The following SIRT5 variants were observed in gnomAD, a reference collection of about 807,000 sequenced individuals.
SIRT5 encodes sirtuin 5.
In SIRT5, 26 loss-of-function variants were observed where a neutral mutation model predicts 40.0. The observed-to-expected ratio is 0.65, with a 90% CI of 0.48 to 0.90. The LOEUF (loss-of-function observed/expected upper bound fraction) is 0.90. Ranked by LOEUF, SIRT5 falls within the 40% of genes least tolerant of loss-of-function variation. The probability of loss-of-function intolerance (pLI) is 0.00; values close to 1 mark genes in which losing one functional copy is unlikely to be tolerated. For synonymous variants in SIRT5, 146 were observed against 149.1 expected (o/e 0.98, Z 0.15); for missense variants, 401 against 402.4 (o/e 1.00, Z 0.03).
chr6:13,613,769 A>G lies in SIRT5; in HGVS notation c.*1904A>G, dbSNP rs1764130926. ...TACCTGTAATAGTCTTATAGTACTT[A>G]TAAAGCAGTTTTGCACATAAAATAC... On this transcript the variant is annotated 3_prime_UTR_variant, in exon 10 of 10. Transcript: ENST00000606117. The G allele has an allele frequency of 6.6e-6, 1 of 152,352 alleles. No homozygotes were observed. Among genetic ancestry groups the G allele is most frequent in the East Asian group, 1.9e-4 (1 of 5,184 alleles). 9.4% of individuals were successfully genotyped at this position (152,352 alleles called of 1,614,324 possible).
At chr6:13,586,255 C>T (rs1424501618) in intron 3 of SIRT5, among the ~76,000 whole-genome samples, 1 of 152,076 alleles carries the variant, frequency 6.6e-6, no homozygotes, top group Non-Finnish European at 1.5e-5. Context: ...TAATTAGATC[C>T]CATTTGTCTA....
At position 13,577,849 on chromosome 6, in the gene SIRT5, C is replaced by G. The variant is rs184766951; in HGVS notation, c.-194-1602C>G. On this transcript the variant is annotated intron_variant, in intron 1 of 9. Transcript: ENST00000606117. ...ATTGCTCTGGCTAGGACATCTAGTA[C>G]TACACTGAATAGACAATGTGAGAGT... Among the ~76,000 whole-genome samples, 35 of 152,008 alleles carry G rather than the reference C, an allele frequency of 2.3e-4. 1 individual carries two copies. In the East Asian group the frequency reaches 5.0e-3, roughly 22 times the overall value.
chr6:13,591,507 G>C (rs947408344), intron 4 of SIRT5, among the ~76,000 whole-genome samples, 162 bp from the exon 5 acceptor site: 12 of 152,228 alleles, frequency 7.9e-5, no homozygotes, highest in African/African-American at 2.7e-4. Flanking sequence ...CCCAGACCCT[G>C]CCTGGCATCT....
At chr6:13,595,617 A>G in intron 6 of SIRT5, 53 bp downstream of exon 6, 1 of 1,276,968 alleles carries the variant, frequency 7.8e-7, no homozygotes, top group Admixed American at 1.8e-5. Context: ...CTTTAGGTTG[A>G]ACATAAATGT....
At position 13,611,917 on chromosome 6, in the gene SIRT5, C is replaced by A; in HGVS notation, c.*52C>A. ...GTATATCTAAGAACTAGGCCACACG[C>A]AGAGGAGAAATGGTCTTATGGGTGG... On this transcript the variant is annotated 3_prime_UTR_variant, in exon 10 of 10. Transcript: ENST00000606117. 1 of 1,558,078 alleles carries A rather than the reference C, an allele frequency of 6.4e-7. No individual in the cohort carries two copies. The highest frequency in any genetic ancestry group is 8.8e-7 in the Non-Finnish European group (1 of 1,130,596).
rs144036591 is a variant in SIRT5, at chr6:13,591,454, C to G, written c.250-215C>G. Among the ~76,000 whole-genome samples, 494 of 152,362 alleles carry G rather than the reference C, an allele frequency of 3.2e-3. 4 individuals are homozygous for G. The highest frequency in any genetic ancestry group is 0.011 in the African/African-American group (472 of 41,584). The stretch of plus-strand genomic sequence containing the variant: ...TCACTAAGGAAATTGACTGATTTCT[C>G]CAAGGTCCCTGGGCAGTCCCAGGAT... On this transcript the variant is annotated intron_variant, in intron 4 of 9. Transcript: ENST00000606117.
intron 9 of SIRT5, chr6:13,605,806 G>C (rs1763027943): frequency 1.0e-6 from 1 of 985,466 alleles, no homozygotes; most frequent in Middle Eastern, 5.2e-4. Context: ...CATTCGCTGA[G>C]GCAAAAATGG....
At chr6:13,597,160 CCAAAAGTGAAAGGA>C in intron 7 of SIRT5, 144 bp downstream of exon 7, 6 of 636,162 alleles carry the variant, frequency 9.4e-6, no homozygotes, top group Non-Finnish European at 1.6e-5. Flanking sequence ...ATCTCTGAGA[CCAAAAGTGAAAGGA>C]CAAAGGATGA....
At chr6:13,574,448 A>T (rs969675718), upstream of SIRT5, 24 of 150,724 alleles carry the variant, frequency 1.6e-4, no homozygotes, top group African/African-American at 5.4e-4. Context: ...CGGAGGTGGC[A>T]CCGGTCCGCG....
At chr6:13,575,838 AT>A (rs1309607981) in intron 1 of SIRT5, among the ~76,000 whole-genome samples, 1 of 152,288 alleles carries the variant, frequency 6.6e-6, no homozygotes, top group East Asian at 1.9e-4. Flanking sequence ...CCTGGTAACC[AT>A]CATTCTACTC....
intron 2 of SIRT5, among the ~76,000 whole-genome samples, chr6:13,579,830 T>A (rs1296872880): frequency 1.3e-5 from 2 of 152,214 alleles, no homozygotes; most frequent in Non-Finnish European, 2.9e-5. Flanking sequence ...ACTGTTTATT[T>A]TTGTATATGT....
chr6:13,601,064 TTTTG>T (rs1174145482), intron 9 of SIRT5, 115 bp downstream of exon 9: 7 of 757,408 alleles, frequency 9.2e-6, no homozygotes, highest in Non-Finnish European at 1.5e-5. Context: ...GTTTGTGTTT[TTTTG>T]TTTGATCTGC....
chr6:13,611,228 TATATATATACACACACAC>T (rs1763848127), intron 9 of SIRT5, among the ~76,000 whole-genome samples: 1 of 131,232 alleles, frequency 7.6e-6, no homozygotes, highest in African/African-American at 3.1e-5. Flanking sequence ...TATATATATA[TATATATATACACACACAC>T]ATACACACAC....
intron 9 of SIRT5, chr6:13,604,434 C>T (rs200551818): frequency 1.7e-6 from 2 of 1,170,204 alleles, no homozygotes; most frequent in African/African-American, 1.5e-5. Context: ...AGGACCTGAG[C>T]TATGTCCCCA....
At chr6:13,580,456 C>T (rs1377843723) in intron 2 of SIRT5, among the ~76,000 whole-genome samples, 10 of 152,148 alleles carry the variant, frequency 6.6e-5, no homozygotes, top group Admixed American at 3.3e-4. Context: ...CTTACTCCCC[C>T]GACCCCTGTC....
In SIRT5 at chr6:13,599,059, G is replaced by A. The variant is rs773238187; in HGVS notation, c.645G>A (p.Leu215=). The A allele has an allele frequency of 3.7e-6, 6 of 1,613,972 alleles. No homozygotes were observed. The South Asian group carries it at 4.4e-5, about 12-fold the overall frequency. ...GTGAAGAGGCAGGCTGCGGGGGCTT[G>A]CTGCGACCTCACGTCGTGTGGTTTG... The part of the protein sequence containing the change: ...PRCEEAGCGG[L]LRPHVVWFGE... Residue 215 remains leucine (L), a synonymous_variant, in exon 8 of 10, where the codon TTG becomes TTA. Transcript: ENST00000606117.
At chr6:13,582,651 A>G (rs888474581) in intron 2 of SIRT5, among the ~76,000 whole-genome samples, 2 of 146,990 alleles carry the variant, frequency 1.4e-5, no homozygotes, top group Non-Finnish European at 3.0e-5. Context: ...GCCCCTTTTT[A>G]ATCACTCCTC....
rs70989875 is a variant in SIRT5 at position 13,611,236 on chromosome 6, TACACACAC to T, written c.858-550_858-543del. 2.7e-3 allele frequency among the ~76,000 whole-genome samples: 252 copies of T among 92,922 alleles called. 2 individuals carry two copies. Among genetic ancestry groups the T allele is most frequent in the African/African-American group, 8.9e-3 (237 of 26,558 alleles). The allele number at this position is 92,922 out of a possible 152,430, so 61.0% of individuals were successfully genotyped here. On this transcript the variant is annotated intron_variant, in intron 9 of 9. Coordinates refer to ENST00000606117, the MANE Select transcript of SIRT5 (RefSeq NM_012241.5). ...ATATATATATATATATATATATATA[TACACACAC>T]ACATACACACACACATATATATACA...
Position 13,599,030 on chromosome 6 carries a change from A to G in SIRT5, c.618-2A>G. 1 of 1,613,678 alleles carries G rather than the reference A, an allele frequency of 6.2e-7. No homozygotes were observed. The highest frequency in any genetic ancestry group is 1.7e-5 in the Admixed American group (1 of 59,946). On this transcript the variant is annotated splice_acceptor_variant, in intron 7 of 9. Transcript: ENST00000606117. LOFTEE classifies it high-confidence loss of function. ...GTTGGCTTAAGGATCCCATTCTTCC[A>G]GGTGTGAAGAGGCAGGCTGCGGGGG...
Sources: gnomAD v4.1 joint callset for allele counts (sites outside exome capture counted in the v4.1 genomes callset) on GRCh38, gnomAD v4.1.1 for gene constraint, MANE v1.5 for transcripts, NCBI Gene and HGNC (gene_info 2026-07-23, HGNC 2026-07-21) for gene names.